SORCS1: variants seen among roughly 807,000 people sequenced by gnomAD.
The protein encoded by SORCS1 is sortilin related VPS10 domain containing receptor 1.
A neutral mutation model predicts 146.1 loss-of-function variants in SORCS1; 60 were observed. The ratio of observed to expected loss-of-function variants is 0.41; its 90% CI spans 0.33 to 0.51. SORCS1 has a LOEUF of 0.51. SORCS1 is among the 20% of genes least tolerant of loss of function. The probability of loss-of-function intolerance (pLI) is 0.21; values close to 1 mark genes in which losing one functional copy is unlikely to be tolerated. For synonymous variants in SORCS1, 637 were observed against 584.0 expected (o/e 1.09, Z -1.31); for missense variants, 1,352 against 1,487.6 (o/e 0.91, Z 1.50).
intron 3 of SORCS1, among the ~76,000 whole-genome samples, chr10:106,813,128 CTTTTTTTTTTTT>C (rs71025557): frequency 2.0e-5 from 2 of 98,746 alleles, no homozygotes; most frequent in African/African-American, 7.9e-5. Flanking sequence ...CTTCTCTTTT[CTTTTTTTTTTTT>C]TTTTTTTTTT....
intron 2 of SORCS1, among the ~76,000 whole-genome samples, chr10:106,863,799 C>A (rs888008009): frequency 6.6e-6 from 1 of 151,202 alleles, no homozygotes; most frequent in African/African-American, 2.4e-5. Context: ...ATTCCCATTG[C>A]CTTCAGATTT....
In SORCS1 at chr10:107,060,447, A is replaced by G. The variant is rs17122013; in HGVS notation, c.558+103522T>C. Among the ~76,000 whole-genome samples, 1 of 152,028 alleles carries G rather than the reference A, an allele frequency of 6.6e-6. No homozygotes were observed. The highest frequency in any genetic ancestry group is 2.4e-5 in the African/African-American group (1 of 41,314). ...TTTTTTATTGTCATGTACTTAGTGA[A>G]GCCTCAGACGTAGCAAACCTAAAAA... On this transcript the variant is annotated intron_variant, in intron 1 of 25. Coordinates refer to ENST00000263054, the MANE Select transcript of SORCS1 (RefSeq NM_052918.5). This position sits in a 1 kb window ranked among gnomAD's most constrained non-coding sequence, Gnocchi z 4.1.
At chr10:106,584,251 T>C (rs1005407446) in intron 24 of SORCS1, among the ~76,000 whole-genome samples, 1 of 152,216 alleles carries the variant, frequency 6.6e-6, no homozygotes, top group African/African-American at 2.4e-5. Context: ...AGTTGTCCAA[T>C]GGGCCTTCCC....
chr10:106,997,575 AAAACTAT>A (rs1350339137), intron 1 of SORCS1, among the ~76,000 whole-genome samples: 4 of 152,202 alleles, frequency 2.6e-5, no homozygotes, highest in Non-Finnish European at 5.9e-5. Flanking sequence ...CATCTGAAGG[AAAACTAT>A]AAACAAGACC....
At chr10:107,038,699 G>A (rs912907597) in intron 1 of SORCS1, among the ~76,000 whole-genome samples, 1 of 18,968 alleles carries the variant, frequency 5.3e-5, no homozygotes, top group Admixed American at 2.9e-4. Context: ...CAGGGGGCGG[G>A]GGGGGAGGTG....
intron 24 of SORCS1, among the ~76,000 whole-genome samples, chr10:106,588,496 T>C (rs377364513): frequency 1.3e-5 from 2 of 152,074 alleles, no homozygotes; most frequent in East Asian, 3.9e-4. Context: ...TGAAAGGCTG[T>C]TGAACAGTGG....
intron 22 of SORCS1, among the ~76,000 whole-genome samples, chr10:106,610,833 C>A (rs1019285588): frequency 6.6e-6 from 1 of 152,186 alleles, no homozygotes; most frequent in African/African-American, 2.4e-5. Flanking sequence ...AATCCCAACA[C>A]TTTGGGAGGC....
intron 1 of SORCS1, among the ~76,000 whole-genome samples, chr10:106,975,404 G>A (rs903598298): frequency 6.6e-6 from 1 of 152,220 alleles, no homozygotes; most frequent in African/African-American, 2.4e-5. Flanking sequence ...CTGTGTTGGT[G>A]TCAGCATTTT....
At position 106,609,960 on chromosome 10, in the gene SORCS1, G is replaced by A. The variant is rs114115594; in HGVS notation, c.3033+1951C>T. Reference sequence around the variant, plus strand: ...ATGAGAAGAGATGGACAGTGGGTTCGTTAAAGAGCATAAGTCATCCTTCTT... The same window carrying A: ...ATGAGAAGAGATGGACAGTGGGTTCATTAAAGAGCATAAGTCATCCTTCTT... On this transcript the variant is annotated intron_variant, in intron 22 of 25. Coordinates refer to ENST00000263054, the MANE Select transcript of SORCS1 (RefSeq NM_052918.5). Among the ~76,000 whole-genome samples the A allele has an allele frequency of 7.1e-3, 1,086 of 152,314 alleles. 13 individuals carry two copies. The highest frequency in any genetic ancestry group is 0.024 in the African/African-American group (1,011 of 41,574).
At chr10:106,711,442 G>T (rs1224381444) in intron 6 of SORCS1, among the ~76,000 whole-genome samples, 1 of 152,148 alleles carries the variant, frequency 6.6e-6, no homozygotes, top group Non-Finnish European at 1.5e-5. Flanking sequence ...CTAGGAAGGC[G>T]GAATTGTCCA....
At chr10:106,814,296 T>C (rs769748264) in intron 3 of SORCS1, among the ~76,000 whole-genome samples, 8 of 152,252 alleles carry the variant, frequency 5.3e-5, no homozygotes, top group Non-Finnish European at 1.2e-4. Context: ...TCTGAGATTA[T>C]ATAATTCGTA....
At chr10:106,615,806 C>T (rs892940877) in intron 21 of SORCS1, among the ~76,000 whole-genome samples, 1 of 152,078 alleles carries the variant, frequency 6.6e-6, no homozygotes, top group African/African-American at 2.4e-5. Flanking sequence ...GAGTGATTCA[C>T]CCTTGGGTGA....
At chr10:107,172,777 T>C in the SORCS1 span, among the ~76,000 whole-genome samples, 3 of 152,174 alleles carry the variant, frequency 2.0e-5, no homozygotes, top group Admixed American at 2.0e-4. Context: ...AAGCTAAATT[T>C]ACACCTAAGA....
In SORCS1 at chr10:106,829,638, T is replaced by C. The variant is rs766941489; in HGVS notation, c.662A>G (p.Asn221Ser). 6.8e-6 allele frequency: 11 copies of C among 1,608,096 alleles called. No individual in the cohort carries two copies. Among genetic ancestry groups the C allele is most frequent in the Middle Eastern group, 1.6e-4 (1 of 6,064 alleles). Residue 221 changes from asparagine (N) to serine (S), a missense_variant, in exon 3 of 26, where the codon AAT (asparagine) becomes AGT (serine). This residue lies in a region of SORCS1 where 490 missense variants were observed against 489.1 expected (regional missense o/e 1.00). Coordinates refer to ENST00000263054, the MANE Select transcript of SORCS1 (RefSeq NM_052918.5). ...AATGGTTTTCAAACCAACTTTATCATTCAGCTTCTCATAGGTTGTTCCATA... is the reference window on the plus strand; with the variant it reads ...AATGGTTTTCAAACCAACTTTATCACTCAGCTTCTCATAGGTTGTTCCATA... ...TDYGTTYEKL[N>S]DKVGLKTILS...
intron 1 of SORCS1, among the ~76,000 whole-genome samples, chr10:107,160,698 T>C: frequency 6.6e-6 from 1 of 152,202 alleles, no homozygotes; most frequent in East Asian, 1.9e-4. Context: ...ATTGAAATAC[T>C]AAACTTAACT....
chr10:106,731,217 C>T (rs3861991), intron 5 of SORCS1, among the ~76,000 whole-genome samples: 65,204 of 147,274 alleles, frequency 0.44, 14,300 homozygotes, highest in South Asian at 0.47. Flanking sequence ...GGCATGAACC[C>T]GGGAGGTAGA....
At position 106,889,554 on chromosome 10, in the gene SORCS1, G is replaced by C. The variant is rs1017871524; in HGVS notation, c.627-59881C>G. Reference sequence around the variant, plus strand: ...CGAGGTGGGCAGATCACAAGGTCAGGAGATCAAGAGCAACCTGGCTGACAC... The same window carrying C: ...CGAGGTGGGCAGATCACAAGGTCAGCAGATCAAGAGCAACCTGGCTGACAC... On this transcript the variant is annotated intron_variant, in intron 2 of 25. Coordinates refer to ENST00000263054, the MANE Select transcript of SORCS1 (RefSeq NM_052918.5). 2.1e-4 allele frequency among the ~76,000 whole-genome samples: 32 copies of C among 152,104 alleles called. 1 individual carries two copies. The highest frequency in any genetic ancestry group is 4.4e-5 in the Non-Finnish European group (3 of 67,978).
chr10:106,787,100 A>G (rs1946092509), intron 3 of SORCS1, among the ~76,000 whole-genome samples: 1 of 152,222 alleles, frequency 6.6e-6, no homozygotes, highest in South Asian at 2.1e-4. Flanking sequence ...AGTGTGCCTA[A>G]GCAACTCTCT....
At chr10:106,668,480 G>T (rs1050697231) in intron 16 of SORCS1, among the ~76,000 whole-genome samples, 2 of 152,168 alleles carry the variant, frequency 1.3e-5, no homozygotes, top group African/African-American at 4.8e-5. Context: ...ATGCTTCCAG[G>T]AGCCTCTGAG....
Sources: allele counts gnomAD v4.1 joint callset (sites outside exome capture counted in the v4.1 genomes callset), GRCh38; gene constraint gnomAD v4.1.1; regional missense constraint gnomAD v4.1.1; non-coding constraint Gnocchi (gnomAD v3.1); transcripts MANE v1.5; gene names NCBI Gene and HGNC (gene_info 2026-07-23, HGNC 2026-07-21).